The following WAPL variants were observed in gnomAD, a reference collection of about 807,000 sequenced individuals.
The protein encoded by WAPL is wings apart-like protein homolog.
A neutral mutation model predicts 121.0 loss-of-function variants in WAPL; 5 were observed. The observed-to-expected ratio is 0.04, with a 90% CI of 0.02 to 0.09. The LOEUF is 0.09. Among genes scored for constraint, WAPL ranks in the 10% least tolerant of loss-of-function variants. WAPL has a pLI of 1.00. For missense variants in WAPL, 999 were observed against 1,410.8 expected, an observed-to-expected ratio of 0.71 and a Z score of 4.68; for synonymous variants, 480 against 481.5, an observed-to-expected ratio of 1.00 and a Z score of 0.04.
chr10:86,501,296 CAGT>C (rs1443960516), intron 2 of WAPL, among the ~76,000 whole-genome samples: 2 of 152,124 alleles, frequency 1.3e-5, no homozygotes, highest in East Asian at 1.9e-4. Flanking sequence ...GAATTTTTAG[CAGT>C]AGTTCTGGTG....
At chr10:86,453,038 A>G (rs1391375215) in intron 14 of WAPL, among the ~76,000 whole-genome samples, 182 bp downstream of exon 14, 36 of 4,032 alleles carry the variant, frequency 8.9e-3, no homozygotes, top group Non-Finnish European at 0.013. Context: ...AAAAAAAAAA[A>G]AAAAAAAAAA....
chr10:86,476,990 TTGA>T (rs1324820070), intron 4 of WAPL, among the ~76,000 whole-genome samples: 3 of 152,186 alleles, frequency 2.0e-5, no homozygotes, highest in South Asian at 2.1e-4. Flanking sequence ...TTTAAAGCTT[TTGA>T]TGATGTTTTA....
At chr10:86,495,653 A>G (rs1842134946) in intron 4 of WAPL, among the ~76,000 whole-genome samples, 1 of 152,234 alleles carries the variant, frequency 6.6e-6, no homozygotes, top group South Asian at 2.1e-4. Context: ...AAGCACAGAC[A>G]ACAGAATGAC....
intron 1 of WAPL, 148 bp from the exon 2 acceptor site, chr10:86,518,239 T>C: frequency 5.1e-6 from 4 of 781,520 alleles, no homozygotes; most frequent in Non-Finnish European, 7.8e-6. Context: ...GGAAGGGGTA[T>C]AAAGAAAGGC....
At chr10:86,506,303 A>C (rs1326551316) in intron 2 of WAPL, among the ~76,000 whole-genome samples, 1 of 152,252 alleles carries the variant, frequency 6.6e-6, no homozygotes, top group Non-Finnish European at 1.5e-5. Flanking sequence ...GATGCATGAA[A>C]GAACTTCTAA....
rs1159048923 is a variant in WAPL at position 86,517,636 on chromosome 10, T to C, written c.434A>G (p.Lys145Arg). ...ATCTTCTACAATTCGGTTTGTGCTC[T>C]TTTCTTTCCCAAGTAAAGTGTCCTC... is the stretch of plus-strand genomic sequence containing the variant. Reference protein sequence around the residue: ...PLEDTLLGKEKSTNRIVEDDA... With the variant: ...PLEDTLLGKERSTNRIVEDDA... Residue 145 changes from lysine to arginine, a missense_variant, in exon 2 of 19, where the codon AAG (lysine) becomes AGG (arginine). By Grantham distance (26) the Lys-to-Arg change is conservative (BLOSUM62 2). Coordinates refer to ENST00000298767, the MANE Select transcript of WAPL (RefSeq NM_015045.5). 1 of 1,613,960 alleles carries C rather than the reference T, an allele frequency of 6.2e-7. No homozygotes were observed. Among genetic ancestry groups the C allele is most frequent in the Non-Finnish European group, 8.5e-7 (1 of 1,180,028 alleles).
At chr10:86,442,300 G>C (rs1849490222) in intron 17 of WAPL, among the ~76,000 whole-genome samples, 1 of 152,232 alleles carries the variant, frequency 6.6e-6, no homozygotes, top group Non-Finnish European at 1.5e-5. Flanking sequence ...CCAAAGTGCT[G>C]AGATTACAGG....
At chr10:86,483,794 C>CTTTT (rs35725128) in intron 4 of WAPL, among the ~76,000 whole-genome samples, 17 of 69,212 alleles carry the variant, frequency 2.5e-4, no homozygotes, top group Admixed American at 7.4e-4. Context: ...ATTTTTTTTT[C>CTTTT]TTTTTTTTTT....
At chr10:86,495,576 G>A (rs1030726740) in intron 4 of WAPL, among the ~76,000 whole-genome samples, 3 of 151,762 alleles carry the variant, frequency 2.0e-5, no homozygotes, top group African/African-American at 7.3e-5. Flanking sequence ...TGAATTATAG[G>A]AAAAAAACAT....
At position 86,471,000 on chromosome 10, in the gene WAPL, G is replaced by A. The variant is rs1336321613; in HGVS notation, c.2134C>T (p.His712Tyr). ...MVFKTLDDSQ[H>Y]HQNLSLCTAA... ...AGAAACTTAAAAAATACCTGATGGTGCTGGGAATCATCCAAGGTTTTAAAG... is the reference window on the plus strand; with the variant it reads ...AGAAACTTAAAAAATACCTGATGGTACTGGGAATCATCCAAGGTTTTAAAG... The change falls in exon 8 of 19, where the codon CAC becomes TAC. Residue 712 changes from histidine to tyrosine, a missense_variant. Transcript: ENST00000298767. The A allele has an allele frequency of 6.2e-7, 1 of 1,613,380 alleles. No homozygotes were observed. The highest frequency in any genetic ancestry group is 8.5e-7 in the Non-Finnish European group (1 of 1,179,606).
Position 86,500,210 on chromosome 10 carries a change from C to T in WAPL, c.1033G>A (p.Gly345Arg). The change falls in exon 3 of 19, where the codon GGG becomes AGG. Residue 345 changes from glycine (G) to arginine (R), a missense_variant. This residue lies in a region of WAPL where 531 missense variants were observed against 563.1 expected (regional missense o/e 0.94). Coordinates refer to ENST00000298767, the MANE Select transcript of WAPL (RefSeq NM_015045.5). ...CCAACTGTCCCTCTAAAACTGGTCC[C>T]ACAACTTACACCCCCTTTCTTTGCC... The part of the protein sequence containing the change: ...NQAKKGGVSC[G>R]TSFRGTVGRT... 1 of 1,614,168 alleles carries T rather than the reference C, an allele frequency of 6.2e-7. No individual in the cohort carries two copies. The highest frequency in any genetic ancestry group is 8.5e-7 in the Non-Finnish European group (1 of 1,180,022).
At chr10:86,518,312 C>A (rs570195639) in intron 1 of WAPL, among the ~76,000 whole-genome samples, 1 of 152,306 alleles carries the variant, frequency 6.6e-6, no homozygotes, top group South Asian at 2.1e-4. Flanking sequence ...TATTCCTACG[C>A]TACTTACAAA....
chr10:86,503,130 C>A (rs749495968), intron 2 of WAPL, among the ~76,000 whole-genome samples: 1 of 152,084 alleles, frequency 6.6e-6, no homozygotes, highest in Non-Finnish European at 1.5e-5. Context: ...TGTACTCCAA[C>A]CTGGGCAAAA....
chr10:86,494,672 A>G (rs2132216458), intron 4 of WAPL, among the ~76,000 whole-genome samples: 2 of 152,360 alleles, frequency 1.3e-5, no homozygotes, highest in Middle Eastern at 6.8e-3. Context: ...CATCGTAACC[A>G]GTATTTTGCA....
At chr10:86,454,661 T>C (rs969366555) in intron 12 of WAPL, among the ~76,000 whole-genome samples, 1 of 152,162 alleles carries the variant, frequency 6.6e-6, no homozygotes, top group Non-Finnish European at 1.5e-5. Context: ...CCACCCTGTC[T>C]GGGAAGTGAG....
chr10:86,457,022 G>T (rs1370980977), intron 12 of WAPL, among the ~76,000 whole-genome samples: 2 of 152,054 alleles, frequency 1.3e-5, no homozygotes, highest in Non-Finnish European at 2.9e-5. Context: ...CTCTTACAAG[G>T]TAGTTGTCAG....
intron 12 of WAPL, among the ~76,000 whole-genome samples, chr10:86,457,986 T>C (rs1468378859): frequency 1.3e-5 from 2 of 152,226 alleles, no homozygotes; most frequent in Non-Finnish European, 2.9e-5. Context: ...CTGGCCATGA[T>C]TGATAATGTG....
Position 86,500,205 on chromosome 10 carries a change from G to T in WAPL, c.1038C>A (p.Thr346=), listed in dbSNP as rs1842220980. 6.2e-7 allele frequency: 1 copy of T among 1,613,994 alleles called. No homozygotes were observed. The highest frequency in any genetic ancestry group is 1.7e-5 in the Admixed American group (1 of 59,986). The part of the protein sequence containing the change: ...QAKKGGVSCG[T]SFRGTVGRTR... ...TCCGTCCAACTGTCCCTCTAAAACT[G>T]GTCCCACAACTTACACCCCCTTTCT... The change falls in exon 3 of 19, where the codon ACC becomes ACA. Residue 346 remains threonine (T), a synonymous_variant. Coordinates refer to ENST00000298767, the MANE Select transcript of WAPL (RefSeq NM_015045.5).
At chr10:86,471,144 T>C (rs1288244966) in intron 7 of WAPL, 41 bp from the exon 8 acceptor site, 1 of 1,545,996 alleles carries the variant, frequency 6.5e-7, no homozygotes, top group Admixed American at 1.7e-5. Context: ...TGGAAACAGC[T>C]AGTACATTAG....
Sources: allele counts gnomAD v4.1 joint callset (sites outside exome capture counted in the v4.1 genomes callset), GRCh38; gene constraint gnomAD v4.1.1; regional missense constraint gnomAD v4.1.1; transcripts MANE v1.5; gene names NCBI Gene and HGNC (gene_info 2026-07-23, HGNC 2026-07-21).